SLC6A20: variants seen among roughly 807,000 people sequenced by gnomAD.
SLC6A20 encodes solute carrier family 6 member 20.
Under a neutral mutation model 64.3 loss-of-function variants are expected in SLC6A20, and 73 were observed. The ratio of observed to expected loss-of-function variants is 1.14; its 90% confidence interval spans 0.94 to 1.38. The LOEUF is 1.38. Ranked by LOEUF, SLC6A20 falls within the 40% of genes most tolerant of loss-of-function variation. SLC6A20 has a pLI of 0.00. For missense variants in SLC6A20, 725 were observed against 772.8 expected, an observed-to-expected ratio of 0.94 and a Z score of 0.73; for synonymous variants, 347 against 329.6, an observed-to-expected ratio of 1.05 and a Z score of -0.57.
chr3:45,790,691 T>C (rs1700235452), intron 1 of SLC6A20, among the ~76,000 whole-genome samples: 1 of 152,234 alleles, frequency 6.6e-6, no homozygotes, highest in South Asian at 2.1e-4. Context: ...CAGTGCATCC[T>C]TGGCCTCCAT....
At chr3:45,771,584 C>T (rs1699869285) in intron 5 of SLC6A20, 126 bp from the exon 6 acceptor site, 20 of 1,472,508 alleles carry the variant, frequency 1.4e-5, no homozygotes, top group Non-Finnish European at 1.8e-5. Flanking sequence ...TCAGGGGCAC[C>T]CCTAGGGCTG....
intron 1 of SLC6A20, among the ~76,000 whole-genome samples, chr3:45,792,267 C>A (rs984608583): frequency 6.6e-6 from 1 of 152,162 alleles, no homozygotes; most frequent in African/African-American, 2.4e-5. Context: ...TCCTGTCCTG[C>A]CTGTAGCAGA....
Position 45,780,083 on chromosome 3 carries a change from C to A in SLC6A20, c.280G>T (p.Val94Phe), listed in dbSNP as rs777003525. ...TAGTACATGGAGAGGAAGAAAGAGA[C>A]CACCACGCTGGCGACCCCTGCGAGG... ...LSGVGVASVV[V>F]SFFLSMYYNV... The change falls in exon 3 of 11, where the codon GTC becomes TTC. Residue 94 changes from valine to phenylalanine, a missense_variant. By Grantham distance (50) the Val-to-Phe change is conservative (BLOSUM62 -1). Transcript: ENST00000358525. 6.3e-7 allele frequency: 1 copy of A among 1,597,340 alleles called. No individual in the cohort carries two copies. Among genetic ancestry groups the A allele is most frequent in the South Asian group, 1.1e-5 (1 of 87,880 alleles).
chr3:45,759,914 G>A lies in SLC6A20; in HGVS notation c.1572C>T (p.Tyr524=), dbSNP rs759396347. ...TCCCCGTGAGGATGTAGTCGCTCAG[G>A]TAGAAGACAAAGAGGCTGACAATCA... ...PLLIVSLFVF[Y]LSDYILTGTL... is the part of the protein sequence containing the mutation. Residue 524 remains tyrosine (Y), a synonymous_variant, in exon 10 of 11, where the codon TAC becomes TAT. Transcript: ENST00000358525. 4 of 1,614,172 alleles carry A rather than the reference G, an allele frequency of 2.5e-6. No homozygotes were observed. The highest frequency in any genetic ancestry group is 3.4e-6 in the Non-Finnish European group (4 of 1,180,030).
intron 1 of SLC6A20, chr3:45,790,237 C>CTT (rs1700227115): frequency 6.6e-6 from 1 of 151,646 alleles, no homozygotes; most frequent in African/African-American, 2.4e-5. Context: ...AACAAACAAA[C>CTT]AAAAAACACA....
chr3:45,767,486 C>T (rs544048073), intron 7 of SLC6A20, among the ~76,000 whole-genome samples: 3 of 151,694 alleles, frequency 2.0e-5, no homozygotes, highest in African/African-American at 7.3e-5. Flanking sequence ...AAAGATATAT[C>T]CAGAAATGAA....
intron 8 of SLC6A20, among the ~76,000 whole-genome samples, chr3:45,763,313 G>A (rs2125718646): frequency 6.6e-6 from 1 of 152,322 alleles, no homozygotes; most frequent in Non-Finnish European, 1.5e-5. Context: ...GACTCACTGA[G>A]CTGCCCTGCA....
chr3:45,784,038 C>T (rs554027655), intron 1 of SLC6A20, among the ~76,000 whole-genome samples: 35 of 152,302 alleles, frequency 2.3e-4, no homozygotes, highest in African/African-American at 4.3e-4. Context: ...TGTTTTTACG[C>T]GGGGTGTTAA....
chr3:45,765,207 C>T lies in SLC6A20; in HGVS notation c.1303+330G>A, dbSNP rs568143792. On this transcript the variant is annotated intron_variant, in intron 8 of 10. Coordinates refer to ENST00000358525, the MANE Select transcript of SLC6A20 (RefSeq NM_020208.4). The surrounding 1 kb of genome is among the most constrained non-coding windows in gnomAD (Gnocchi z 4.2). ...CAGCCTGGGCAACAGAGCGAGACTC[C>T]GTCTGAAATATATATAATATACTTC... Among the ~76,000 whole-genome samples the T allele has an allele frequency of 3.9e-5, 6 of 152,162 alleles. No individual in the cohort carries two copies. The highest frequency in any genetic ancestry group is 4.2e-4 in the South Asian group (2 of 4,808).
chr3:45,764,327 CAT>C (rs1301184110), intron 8 of SLC6A20, among the ~76,000 whole-genome samples: 1 of 152,234 alleles, frequency 6.6e-6, no homozygotes, highest in Non-Finnish European at 1.5e-5. Context: ...CTCGAAACAA[CAT>C]GAGTGGATCT....
chr3:45,780,523 G>C (rs569736369), intron 2 of SLC6A20, among the ~76,000 whole-genome samples: 1 of 152,378 alleles, frequency 6.6e-6, no homozygotes, highest in South Asian at 2.1e-4. Context: ...CACTGTTGCT[G>C]TGAAGTGCTA....
At chr3:45,791,907 TG>T (rs1374122170) in intron 1 of SLC6A20, among the ~76,000 whole-genome samples, 2 of 152,136 alleles carry the variant, frequency 1.3e-5, no homozygotes, top group Non-Finnish European at 2.9e-5. Flanking sequence ...GAGATTTGGG[TG>T]GGGACCAAAC....
At chr3:45,792,733 C>A (rs573623237) in intron 1 of SLC6A20, among the ~76,000 whole-genome samples, 8 of 152,354 alleles carry the variant, frequency 5.3e-5, no homozygotes, top group African/African-American at 1.9e-4. Flanking sequence ...CTCTCCCCAA[C>A]CCCACACTCC....
chr3:45,780,408 T>C (rs1700059824), intron 2 of SLC6A20, among the ~76,000 whole-genome samples: 1 of 152,218 alleles, frequency 6.6e-6, no homozygotes, highest in African/African-American at 2.4e-5. Context: ...CTTACAACAG[T>C]ATTATCTTCA....
intron 7 of SLC6A20, among the ~76,000 whole-genome samples, chr3:45,767,400 T>G: frequency 6.6e-6 from 1 of 152,278 alleles, no homozygotes; most frequent in Non-Finnish European, 1.5e-5. Context: ...ATAAAAAATA[T>G]AGTTATTGAA....
At chr3:45,778,383 C>T (rs1700008944) in intron 3 of SLC6A20, among the ~76,000 whole-genome samples, 1 of 152,200 alleles carries the variant, frequency 6.6e-6, no homozygotes, top group Admixed American at 6.5e-5. Context: ...ATGTCTGCAG[C>T]TACTATTCCT....
At chr3:45,770,037 C>T (rs570463810) in intron 7 of SLC6A20, among the ~76,000 whole-genome samples, 172 bp downstream of exon 7, 20 of 152,316 alleles carry the variant, frequency 1.3e-4, no homozygotes, top group African/African-American at 4.8e-4. Context: ...TCTCGAACAG[C>T]CCTCAAGAGA....
intron 2 of SLC6A20, among the ~76,000 whole-genome samples, chr3:45,781,396 G>C (rs1016124498): frequency 6.6e-6 from 1 of 152,174 alleles, no homozygotes; most frequent in South Asian, 2.1e-4. Context: ...CCTTTCTGGG[G>C]TGGGAGGGGT....
At chr3:45,789,861 G>A (rs1329143250) in intron 1 of SLC6A20, among the ~76,000 whole-genome samples, 1 of 151,952 alleles carries the variant, frequency 6.6e-6, no homozygotes, top group African/African-American at 2.4e-5. Flanking sequence ...CAAAGTGCTG[G>A]GATTACAGGC....
Sources: allele counts gnomAD v4.1 joint callset (sites outside exome capture counted in the v4.1 genomes callset), GRCh38; gene constraint gnomAD v4.1.1; non-coding constraint Gnocchi (gnomAD v3.1); transcripts MANE v1.5; gene names NCBI Gene and HGNC (gene_info 2026-07-23, HGNC 2026-07-21).